TPPP: variants seen among roughly 807,000 people sequenced by gnomAD.
TPPP encodes the protein tubulin polymerization promoting protein.
Under a neutral mutation model 15.5 loss-of-function variants are expected in TPPP, and 6 were observed. The observed-to-expected ratio is 0.39, with a 90% CI of 0.21 to 0.77. The LOEUF is 0.77. Among genes scored for constraint, TPPP ranks in the 30% least tolerant of loss-of-function variants. The pLI is 0.42. For missense variants in TPPP, 269 were observed against 307.2 expected, an observed-to-expected ratio of 0.88 and a Z score of 0.93; for synonymous variants, 146 against 133.9, an observed-to-expected ratio of 1.09 and a Z score of -0.63.
At chr5:679,505 C>A (rs11134172) in intron 1 of TPPP, among the ~76,000 whole-genome samples, 21 of 151,592 alleles carry the variant, frequency 1.4e-4, no homozygotes, top group South Asian at 6.3e-4. Flanking sequence ...ATCGCTGACA[C>A]CATTTCTTTG....
intron 1 of TPPP, among the ~76,000 whole-genome samples, chr5:682,492 G>A (rs1368224532): frequency 4.1e-5 from 6 of 145,680 alleles, no homozygotes; most frequent in Non-Finnish European, 6.2e-5. Flanking sequence ...ATGGCCAGGG[G>A]CCTGTCAGTC....
At chr5:693,835 A>C (rs1740966018), upstream of TPPP, among the ~76,000 whole-genome samples, 1 of 149,036 alleles carries the variant, frequency 6.7e-6, no homozygotes, top group African/African-American at 2.5e-5. Flanking sequence ...TTCTTTAAGG[A>C]GCCGCAGACG....
chr5:680,102 T>C (rs1289313589), intron 1 of TPPP, among the ~76,000 whole-genome samples: 1 of 112,472 alleles, frequency 8.9e-6, no homozygotes, highest in Non-Finnish European at 1.8e-5. Context: ...TGAGCAGAGA[T>C]GCGGACGGGT....
At chr5:680,286 A>G (rs1386931164) in intron 1 of TPPP, among the ~76,000 whole-genome samples, 1 of 112,522 alleles carries the variant, frequency 8.9e-6, no homozygotes, top group Non-Finnish European at 1.8e-5. Flanking sequence ...GGGTCAGGCC[A>G]TCGCCGGATC....
At chr5:693,017 CT>C (rs1414606158) in intron 1 of TPPP, among the ~76,000 whole-genome samples, 2 of 150,978 alleles carry the variant, frequency 1.3e-5, no homozygotes, top group African/African-American at 4.8e-5. Flanking sequence ...AGACCTGTCC[CT>C]GGCGCGGCCG....
chr5:687,204 G>A (rs1457823786), intron 1 of TPPP, among the ~76,000 whole-genome samples: 1 of 141,554 alleles, frequency 7.1e-6, no homozygotes, highest in Non-Finnish European at 1.6e-5. Context: ...CCTGGACGCT[G>A]GGCTTCTGGT....
intron 2 of TPPP, among the ~76,000 whole-genome samples, chr5:671,914 G>C: frequency 6.6e-6 from 1 of 152,222 alleles, no homozygotes; most frequent in East Asian, 1.9e-4. Flanking sequence ...CCACGGGGGA[G>C]GGGGAGGGGA....
At chr5:672,987 C>T (rs116742844) in intron 2 of TPPP, among the ~76,000 whole-genome samples, 75 of 152,332 alleles carry the variant, frequency 4.9e-4, no homozygotes, top group African/African-American at 1.6e-3. Context: ...GGAGCCATGG[C>T]AACCTGCCCT....
Position 664,945 on chromosome 5 carries a change from A to T in TPPP, c.*157T>A. 1 of 774,972 alleles carries T rather than the reference A, an allele frequency of 1.3e-6. No individual in the cohort carries two copies. The highest frequency in any genetic ancestry group is 2.0e-6 in the Non-Finnish European group (1 of 492,100). 48.0% of individuals were successfully genotyped at this position (774,972 alleles called of 1,614,324 possible). A position where few individuals can be genotyped will look rare whatever the true frequency, so the allele number is the denominator to read the frequency against. On this transcript the variant is annotated 3_prime_UTR_variant, in exon 4 of 4. Coordinates refer to ENST00000360578, the MANE Select transcript of TPPP (RefSeq NM_007030.3). ...AGTGCTGGGGGCATCCGGTAGGAGG[A>T]GGGGCAGGAGGGAGGCCTGGGCCTG... is the stretch of plus-strand genomic sequence containing the variant.
Position 678,066 on chromosome 5 carries a change from T to C in TPPP, c.-4-2A>G. On this transcript the variant is annotated splice_acceptor_variant, in intron 1 of 3. Coordinates refer to ENST00000360578, the MANE Select transcript of TPPP (RefSeq NM_007030.3). LOFTEE classifies it low-confidence loss of function (5UTR_SPLICE). ...GGCTTGGCCTTGTCAGCCATGTTGC[T>C]ATGGAGGAAGGAGAGGAGAAAGGTG... 1 of 1,538,332 alleles carries C rather than the reference T, an allele frequency of 6.5e-7. No individual in the cohort carries two copies. The highest frequency in any genetic ancestry group is 8.8e-7 in the Non-Finnish European group (1 of 1,141,950).
At chr5:682,486 C>G (rs1740654382) in intron 1 of TPPP, among the ~76,000 whole-genome samples, 1 of 141,594 alleles carries the variant, frequency 7.1e-6, no homozygotes. Flanking sequence ...GTCACTATGG[C>G]CAGGGGCCTG....
At chr5:696,905 C>CGTGTGACTGTGTCTCTGT (rs1561098362), upstream of TPPP, among the ~76,000 whole-genome samples, 5 of 149,596 alleles carry the variant, frequency 3.3e-5, no homozygotes, top group African/African-American at 4.9e-5. Flanking sequence ...AGTGTGTCTG[C>CGTGTGACTGTGTCTCTGT]GTGTGCCTGT....
At chr5:692,033 C>T (rs1197683647) in intron 1 of TPPP, among the ~76,000 whole-genome samples, 2 of 132,258 alleles carry the variant, frequency 1.5e-5, no homozygotes, top group South Asian at 2.7e-4. Context: ...CCTCCCAACC[C>T]CTATCAAAAC....
In TPPP at chr5:666,013, T is replaced by A; in HGVS notation, c.422A>T (p.His141Leu). ...GGGCGCCTTGCCCTCGATGAGCCTGTGCACCTCGCGAACGGCCTCCTCGCT... is the reference window on the plus strand; with the variant it reads ...GGGCGCCTTGCCCTCGATGAGCCTGAGCACCTCGCGAACGGCCTCCTCGCT... ...KSSEEAVREV[H>L]RLIEGKAPII... Residue 141 changes from histidine (H) to leucine (L), a missense_variant, in exon 3 of 4, where the codon CAC (histidine) becomes CTC (leucine). His to Leu is a moderately conservative substitution (Grantham distance 99). Coordinates refer to ENST00000360578, the MANE Select transcript of TPPP (RefSeq NM_007030.3). The A allele has an allele frequency of 1.3e-6, 2 of 1,591,766 alleles. No homozygotes were observed. The highest frequency in any genetic ancestry group is 1.7e-6 in the Non-Finnish European group (2 of 1,168,958).
intron 2 of TPPP, among the ~76,000 whole-genome samples, chr5:669,772 C>T (rs1046387746): frequency 2.0e-5 from 3 of 152,052 alleles, no homozygotes; most frequent in East Asian, 1.9e-4. Flanking sequence ...CTGCCCCACA[C>T]GGGCGGGGAG....
At chr5:672,400 A>T (rs1469502748) in intron 2 of TPPP, among the ~76,000 whole-genome samples, 1 of 152,200 alleles carries the variant, frequency 6.6e-6, no homozygotes, top group Admixed American at 6.5e-5. Flanking sequence ...ACGTCAGTGC[A>T]TTTACTTGGG....
intron 2 of TPPP, among the ~76,000 whole-genome samples, chr5:673,470 G>T (rs1184439975): frequency 1.3e-5 from 2 of 152,064 alleles, no homozygotes; most frequent in African/African-American, 4.8e-5. Flanking sequence ...GGGGAGGGGG[G>T]GAGGTCAGAA....
chr5:675,461 C>CTGGGGGT, intron 2 of TPPP, among the ~76,000 whole-genome samples: 1 of 16,722 alleles, frequency 6.0e-5, no homozygotes, highest in Non-Finnish European at 9.6e-5. Context: ...TGGGGTGCAG[C>CTGGGGGT]ACAGGGGGTG....
chr5:671,721 C>T (rs1470001381), intron 2 of TPPP, among the ~76,000 whole-genome samples: 3 of 152,242 alleles, frequency 2.0e-5, no homozygotes, highest in Non-Finnish European at 2.9e-5. Context: ...AGGGGCTCCA[C>T]TCTGCGGAAG....
Sources: allele counts gnomAD v4.1 joint callset (sites outside exome capture counted in the v4.1 genomes callset), GRCh38; gene constraint gnomAD v4.1.1; transcripts MANE v1.5; gene names NCBI Gene and HGNC (gene_info 2026-07-23, HGNC 2026-07-21).